The following STAB2 variants were observed in gnomAD, a reference collection of about 807,000 sequenced individuals.
STAB2 encodes the protein stabilin 2.
Under a neutral mutation model 338.1 loss-of-function variants are expected in STAB2, and 288 were observed. That is an observed-to-expected ratio of 0.85 (90% CI 0.77 to 0.94). The LOEUF (loss-of-function observed/expected upper bound fraction) is 0.94, where lower values mean the gene tolerates loss of function less well. Among genes scored for constraint, STAB2 ranks in the 40% least tolerant of loss-of-function variants. STAB2 has a pLI of 0.00. For missense variants in STAB2, 3,141 were observed against 3,210.1 expected (o/e 0.98, Z 0.52); for synonymous variants, 1,202 against 1,193.3 (o/e 1.01, Z -0.15).
intron 3 of STAB2, 41 bp downstream of exon 3, chr12:103,594,551 G>T (rs1248106681): frequency 2.0e-6 from 3 of 1,466,880 alleles, no homozygotes; most frequent in Non-Finnish European, 2.9e-6. Context: ...TTGCTTCTTG[G>T]TATCTCATTT....
intron 5 of STAB2, among the ~76,000 whole-genome samples, chr12:103,626,209 T>G (rs539714772): frequency 6.6e-6 from 1 of 152,242 alleles, no homozygotes; most frequent in Non-Finnish European, 1.5e-5. Context: ...TAGCCACATA[T>G]GACTATTGAG....
chr12:103,652,618 T>C lies in STAB2; in HGVS notation c.1320T>C (p.Ala440=), dbSNP rs1193628578. The C allele has an allele frequency of 1.2e-6, 2 of 1,610,864 alleles. No individual in the cohort carries two copies. Among genetic ancestry groups the C allele is most frequent in the African/African-American group, 1.3e-5 (1 of 75,024 alleles). The change falls in exon 12 of 69, where the codon GCT becomes GCC. Residue 440 remains alanine (A), a synonymous_variant. Transcript: ENST00000388887. ...ACTTTGTGAAACTCCACATAATTGC[T>C]GGTCAGATGAACATCGAATATATGA... is the stretch of plus-strand genomic sequence containing the variant. ...AQYFVKLHII[A]GQMNIEYMNN...
At chr12:103,757,226 C>G (rs913962996) in intron 63 of STAB2, among the ~76,000 whole-genome samples, 3 of 151,582 alleles carry the variant, frequency 2.0e-5, no homozygotes, top group African/African-American at 7.3e-5. Flanking sequence ...GCAGCTGGGA[C>G]TACAGGCACA....
At chr12:103,753,387 G>A (rs960648657) in intron 61 of STAB2, 34 bp downstream of exon 61, 24 of 1,613,878 alleles carry the variant, frequency 1.5e-5, no homozygotes, top group Middle Eastern at 1.6e-4. Flanking sequence ...TGTGCAGACA[G>A]AGTCTGCAGG....
At chr12:103,608,344 G>T (rs982936192) in intron 3 of STAB2, among the ~76,000 whole-genome samples, 36 of 152,016 alleles carry the variant, frequency 2.4e-4, no homozygotes, top group African/African-American at 8.7e-4. Flanking sequence ...GGGTTTCACC[G>T]TGTTAGCCAG....
intron 3 of STAB2, among the ~76,000 whole-genome samples, chr12:103,604,816 T>C (rs1957003640): frequency 6.6e-6 from 1 of 151,590 alleles, no homozygotes; most frequent in Non-Finnish European, 1.5e-5. Context: ...ATTTACTCTA[T>C]TGCTTTTCTA....
Position 103,675,911 on chromosome 12 carries a change from C to T in STAB2, c.2553-17C>T. 6.3e-7 allele frequency: 1 copy of T among 1,598,136 alleles called. No individual in the cohort carries two copies. The highest frequency in any genetic ancestry group is 8.5e-7 in the Non-Finnish European group (1 of 1,171,236). ...GGTGCTTATTCTGGGGCTGATATTGCACACTCTCCTTTGCAGTTGTATTTG... is the reference window on the plus strand; with the variant it reads ...GGTGCTTATTCTGGGGCTGATATTGTACACTCTCCTTTGCAGTTGTATTTG... On this transcript the variant is annotated splice_polypyrimidine_tract_variant and intron_variant, in intron 23 of 68. Coordinates refer to ENST00000388887, the MANE Select transcript of STAB2 (RefSeq NM_017564.10).
chr12:103,753,935 T>C (rs765159739), intron 61 of STAB2, among the ~76,000 whole-genome samples: 2 of 152,188 alleles, frequency 1.3e-5, no homozygotes, highest in East Asian at 1.9e-4. Flanking sequence ...CTTTCAGATA[T>C]GGCAGGAAGG....
chr12:103,676,093 G>T lies in STAB2; in HGVS notation c.2646+72G>T, dbSNP rs139558652. 1.5e-5 allele frequency: 16 copies of T among 1,058,268 alleles called. No homozygotes were observed. In the African/African-American group the frequency reaches 2.5e-4, roughly 17 times the overall value. The allele number at this position is 1,058,268 out of a possible 1,614,324, so 65.6% of individuals were successfully genotyped here. On this transcript the variant is annotated intron_variant, in intron 24 of 68. Transcript: ENST00000388887. ...TTTTTTTTTTTTGAGACAGAGTCTCGCTCTGTCGCCCAGGCTGGAGTGCAA... is the reference window on the plus strand; with the variant it reads ...TTTTTTTTTTTTGAGACAGAGTCTCTCTCTGTCGCCCAGGCTGGAGTGCAA...
At chr12:103,589,571 G>A (rs1409454192) in intron 1 of STAB2, among the ~76,000 whole-genome samples, 1 of 152,154 alleles carries the variant, frequency 6.6e-6, no homozygotes, top group East Asian at 1.9e-4. Flanking sequence ...TAAGAGTTTA[G>A]CAAATAAGAA....
chr12:103,757,870 G>A (rs968036938), intron 63 of STAB2: 2 of 392,552 alleles, frequency 5.1e-6, no homozygotes, highest in East Asian at 5.1e-5. Context: ...GAAGTGGGGG[G>A]CCACTGCAGG....
At chr12:103,637,074 C>A in intron 6 of STAB2, 37 bp from the exon 7 acceptor site, 1 of 1,568,068 alleles carries the variant, frequency 6.4e-7, no homozygotes, top group South Asian at 1.2e-5. Context: ...ACTGGTTATT[C>A]TACTAATGCA....
chr12:103,616,803 T>C (rs1056437888), intron 3 of STAB2, among the ~76,000 whole-genome samples: 1 of 151,588 alleles, frequency 6.6e-6, no homozygotes, highest in Admixed American at 6.5e-5. Context: ...AGGGGCCTCC[T>C]ATAAAAAGCA....
chr12:103,762,550 C>A, intron 67 of STAB2, 148 bp downstream of exon 67: 1 of 1,176,032 alleles, frequency 8.5e-7, no homozygotes. Context: ...CCACCCCACG[C>A]TTACTGCTGC....
chr12:103,766,314 A>C lies in STAB2; in HGVS notation c.7634A>C (p.Asn2545Thr), dbSNP rs779854699. The change falls in exon 69 of 69, where the codon AAT becomes ACT. Residue 2545 changes from asparagine (N) to threonine (T), a missense_variant. Coordinates refer to ENST00000388887, the MANE Select transcript of STAB2 (RefSeq NM_017564.10). ...TCTGAAGAACGGCAGCTTGAGGGCAATGACCCCTTGAGGACACTGTGAGGG... is the reference window on the plus strand; with the variant it reads ...TCTGAAGAACGGCAGCTTGAGGGCACTGACCCCTTGAGGACACTGTGAGGG... ...TDSEERQLEG[N>T]DPLRTL 2 of 1,613,890 alleles carry C rather than the reference A, an allele frequency of 1.2e-6. No individual in the cohort carries two copies. The highest frequency in any genetic ancestry group is 8.5e-7 in the Non-Finnish European group (1 of 1,179,866).
chr12:103,663,147 G>C, intron 18 of STAB2, 149 bp downstream of exon 18: 1 of 1,005,802 alleles, frequency 9.9e-7, no homozygotes, highest in Non-Finnish European at 1.4e-6. Context: ...TGAAGATGCA[G>C]GTGGATCTGA....
intron 50 of STAB2, among the ~76,000 whole-genome samples, chr12:103,732,062 A>G (rs10778282): frequency 0.082 from 12,437 of 152,242 alleles, 1,099 homozygotes; most frequent in African/African-American, 0.22. Flanking sequence ...TAATTTCAGC[A>G]CTTTGGGAGG....
rs1336020913 is a variant in STAB2 at position 103,705,789 on chromosome 12, G to T, written c.3996+62G>T. On this transcript the variant is annotated intron_variant, in intron 37 of 68. Coordinates refer to ENST00000388887, the MANE Select transcript of STAB2 (RefSeq NM_017564.10). ...CACCATTGGGAAAATCCATCATATG[G>T]TATCCTTTTCAAAATCCCTGTGCAG... is the stretch of plus-strand genomic sequence containing the variant. The T allele has an allele frequency of 2.6e-6, 4 of 1,513,568 alleles. No individual in the cohort carries two copies. In the East Asian group the frequency reaches 6.8e-5, roughly 26 times the overall value. The allele number at this position is 1,513,568 out of a possible 1,614,324, so 93.8% of individuals were successfully genotyped here.
chr12:103,729,176 C>T (rs1373293014), intron 48 of STAB2, among the ~76,000 whole-genome samples, 181 bp downstream of exon 48: 1 of 152,118 alleles, frequency 6.6e-6, no homozygotes, highest in Non-Finnish European at 1.5e-5. Context: ...TAGAGGGGAA[C>T]AATACACACT....
Sources: gnomAD v4.1 joint callset for allele counts (sites outside exome capture counted in the v4.1 genomes callset) on GRCh38, gnomAD v4.1.1 for gene constraint, MANE v1.5 for transcripts, NCBI Gene and HGNC (gene_info 2026-07-23, HGNC 2026-07-21) for gene names.